The following RNF31 variants were observed in gnomAD, a reference collection of about 807,000 sequenced individuals.
The protein encoded by RNF31 is E3 ubiquitin-protein ligase RNF31.
Under a neutral mutation model 133.6 loss-of-function variants are expected in RNF31, and 38 were observed. The ratio of observed to expected loss-of-function variants is 0.28; its 90% CI spans 0.22 to 0.37. RNF31 has a LOEUF of 0.37. Ranked by LOEUF, RNF31 falls within the 10% of genes least tolerant of loss-of-function variation. RNF31 has a pLI of 1.00. For missense variants in RNF31, 1,118 were observed against 1,394.1 expected (o/e 0.80, Z 3.15); for synonymous variants, 582 against 552.3 (o/e 1.05, Z -0.75).
intron 11 of RNF31, among the ~76,000 whole-genome samples, chr14:24,154,470 G>A (rs1276314365): frequency 6.6e-6 from 1 of 152,106 alleles, no homozygotes; most frequent in East Asian, 1.9e-4. Flanking sequence ...TAGAGACAAG[G>A]TTTCACAATG....
At chr14:24,152,290 T>C (rs982399772) in intron 11 of RNF31, among the ~76,000 whole-genome samples, 1 of 152,234 alleles carries the variant, frequency 6.6e-6, no homozygotes, top group Non-Finnish European at 1.5e-5. Context: ...GCTTCAGCAA[T>C]TGTCAACAAA....
rs1010383176 is a variant in RNF31 at position 24,148,291 on chromosome 14, A to G, written c.373A>G (p.Thr125Ala). The G allele has an allele frequency of 4.3e-6, 7 of 1,614,202 alleles. No homozygotes were observed. Among genetic ancestry groups the G allele is most frequent in the Admixed American group, 3.3e-5 (2 of 60,028 alleles). ...GRDVLRLYGY[T>A]EEQPDGLSFP... The stretch of plus-strand genomic sequence containing the variant: ...AGATGTGCTGCGATTATATGGCTAC[A>G]CAGAGGAGCAACCAGATGGGTTGAG... Residue 125 changes from threonine (T) to alanine (A), a missense_variant, in exon 3 of 21, where the codon ACA (threonine) becomes GCA (alanine). Around this residue, in one of 3 missense-constraint regions of RNF31, gnomAD observed 747 missense variants for 827.9 expected, o/e 0.90. Coordinates refer to ENST00000324103, the MANE Select transcript of RNF31 (RefSeq NM_017999.5).
intron 11 of RNF31, 126 bp downstream of exon 11, chr14:24,152,118 C>T (rs1389887062): frequency 1.6e-5 from 15 of 910,744 alleles, no homozygotes; most frequent in Non-Finnish European, 2.1e-5. Flanking sequence ...CTGAAGGCTC[C>T]TGGGAGGGGG....
Position 24,149,800 on chromosome 14 carries a change from G to A in RNF31, c.809+217G>A, listed in dbSNP as rs147215552. On this transcript the variant is annotated intron_variant, in intron 6 of 20. Transcript: ENST00000324103. ...TAGGTGGTTTGCAACCTAGTCTGAA[G>A]GGTCAGCTGAATCAGGTGGCAATAT... Among the ~76,000 whole-genome samples the A allele has an allele frequency of 4.2e-3, 633 of 152,312 alleles. 9 individuals are homozygous for A. The highest frequency in any genetic ancestry group is 0.017 in the Middle Eastern group (5 of 294).
chr14:24,152,441 T>G (rs994223405), intron 11 of RNF31, among the ~76,000 whole-genome samples: 5 of 152,194 alleles, frequency 3.3e-5, no homozygotes, highest in Admixed American at 6.5e-5. Context: ...TTATTTTTTT[T>G]AGATGGAATT....
rs2139075475 is a variant in RNF31, at chr14:24,148,364, T to A, written c.446T>A (p.Val149Asp). 6.2e-7 allele frequency: 1 copy of A among 1,614,158 alleles called. No homozygotes were observed. Among genetic ancestry groups the A allele is most frequent in the Non-Finnish European group, 8.5e-7 (1 of 1,180,000 alleles). ...CCAGATGAGCACCAGGTTGCTACAGTCACACTGGAAGTACTGCTGCTTCGG... is the reference window on the plus strand; with the variant it reads ...CCAGATGAGCACCAGGTTGCTACAGACACACTGGAAGTACTGCTGCTTCGG... ...EEPDEHQVAT[V>D]TLEVLLLRTE... Residue 149 changes from valine to aspartate, a missense_variant, in exon 3 of 21, where the codon GTC (valine) becomes GAC (aspartate). Around this residue, in one of 3 missense-constraint regions of RNF31, gnomAD observed 747 missense variants for 827.9 expected, o/e 0.90. Coordinates refer to ENST00000324103, the MANE Select transcript of RNF31 (RefSeq NM_017999.5).
intron 11 of RNF31, chr14:24,154,889 G>A: frequency 2.0e-6 from 1 of 491,908 alleles, no homozygotes; most frequent in Non-Finnish European, 3.6e-6. Flanking sequence ...GTCATTTCAA[G>A]CATGTTATTT....
At chr14:24,156,736 G>A (rs941799911) in intron 14 of RNF31, among the ~76,000 whole-genome samples, 3 of 151,354 alleles carry the variant, frequency 2.0e-5, no homozygotes, top group Non-Finnish European at 4.4e-5. Context: ...CCAAGATCAC[G>A]CCATTGCACT....
Position 24,147,697 on chromosome 14 carries a change from G to C in RNF31, c.-2G>C. 1 of 1,502,984 alleles carries C rather than the reference G, an allele frequency of 6.7e-7. No individual in the cohort carries two copies. Among genetic ancestry groups the C allele is most frequent in the Non-Finnish European group, 8.8e-7 (1 of 1,131,498 alleles). 93.1% of individuals were successfully genotyped at this position (1,502,984 alleles called of 1,614,324 possible). On this transcript the variant is annotated 5_prime_UTR_variant, in exon 1 of 21. Transcript: ENST00000324103. The stretch of plus-strand genomic sequence containing the variant: ...GAGGCTGGGGCTGACTCCTGCCTCA[G>C]GATGCCGGGGGAGGAAGAGGAGCGG...
At position 24,160,051 on chromosome 14, in the gene RNF31, G is replaced by A; in HGVS notation, c.2996+91G>A. ...GCAGTAAAATGGGTCCTTGGGAGCAGTAGGTCTTGCAGTGGGTGGGAGGGA... is the reference window on the plus strand; with the variant it reads ...GCAGTAAAATGGGTCCTTGGGAGCAATAGGTCTTGCAGTGGGTGGGAGGGA... On this transcript the variant is annotated intron_variant, in intron 19 of 20. Coordinates refer to ENST00000324103, the MANE Select transcript of RNF31 (RefSeq NM_017999.5). The surrounding 1 kb of genome is among the most constrained non-coding windows in gnomAD (Gnocchi z 4.0). 1.4e-6 allele frequency: 2 copies of A among 1,395,670 alleles called. No individual in the cohort carries two copies. Among genetic ancestry groups the A allele is most frequent in the East Asian group, 2.3e-5 (1 of 43,544 alleles). The allele number at this position is 1,395,670 out of a possible 1,614,324, so 86.5% of individuals were successfully genotyped here. A position where few individuals can be genotyped will look rare whatever the true frequency, so the allele number is the denominator to read the frequency against.
chr14:24,159,848 C>A lies in RNF31; in HGVS notation c.2900-16C>A. Reference sequence around the variant, plus strand: ...TTGGCCTCCCAACAGAGGCTCCCTTCTTCCCTCACCTTTAGGCGGCTGCCG... The same window carrying A: ...TTGGCCTCCCAACAGAGGCTCCCTTATTCCCTCACCTTTAGGCGGCTGCCG... On this transcript the variant is annotated splice_polypyrimidine_tract_variant and intron_variant, in intron 18 of 20. Coordinates refer to ENST00000324103, the MANE Select transcript of RNF31 (RefSeq NM_017999.5). 1 of 1,608,246 alleles carries A rather than the reference C, an allele frequency of 6.2e-7. No homozygotes were observed. The highest frequency in any genetic ancestry group is 1.1e-5 in the South Asian group (1 of 90,908).
Position 24,160,134 on chromosome 14 carries a change from G to A in RNF31, c.2997-105G>A, listed in dbSNP as rs1261317153. The A allele has an allele frequency of 7.1e-7, 1 of 1,413,544 alleles. No individual in the cohort carries two copies. Among genetic ancestry groups the A allele is most frequent in the African/African-American group, 1.4e-5 (1 of 70,940 alleles). The allele number at this position is 1,413,544 out of a possible 1,614,324, so 87.6% of individuals were successfully genotyped here. ...GTAGCAGGCAGTGTGGGCACAGGTGGGTTGTTAATCTTGTTCGTCCAGGTG... is the reference window on the plus strand; with the variant it reads ...GTAGCAGGCAGTGTGGGCACAGGTGAGTTGTTAATCTTGTTCGTCCAGGTG... On this transcript the variant is annotated intron_variant, in intron 19 of 20. Transcript: ENST00000324103. This position sits in a 1 kb window ranked among gnomAD's most constrained non-coding sequence, Gnocchi z 4.0.
At chr14:24,149,338 C>T in intron 5 of RNF31, 68 bp from the exon 6 acceptor site, 1 of 1,473,396 alleles carries the variant, frequency 6.8e-7, no homozygotes, top group Non-Finnish European at 9.3e-7. Context: ...GATTTGCCCC[C>T]ATCCACAGCA....
In RNF31 at chr14:24,149,679, T is replaced by G. The variant is rs922933737; in HGVS notation, c.809+96T>G. ...GCCAGTTTCTGTGCTAAAGACTGTT[T>G]AATAGAGGACAAGTAGCCAGTCAGA... On this transcript the variant is annotated intron_variant, in intron 6 of 20. Coordinates refer to ENST00000324103, the MANE Select transcript of RNF31 (RefSeq NM_017999.5). The G allele has an allele frequency of 7.1e-6, 9 of 1,268,112 alleles. No individual in the cohort carries two copies. The Admixed American group carries it at 1.8e-4, about 25-fold the overall frequency. The allele number at this position is 1,268,112 out of a possible 1,614,324, so 78.6% of individuals were successfully genotyped here.
In RNF31 at chr14:24,147,674, G is replaced by C; in HGVS notation, c.-25G>C. The C allele has an allele frequency of 7.0e-7, 1 of 1,425,284 alleles. No homozygotes were observed. The highest frequency in any genetic ancestry group is 9.1e-7 in the Non-Finnish European group (1 of 1,098,136). 88.3% of individuals were successfully genotyped at this position (1,425,284 alleles called of 1,614,324 possible). A position where few individuals can be genotyped will look rare whatever the true frequency, so the allele number is the denominator to read the frequency against. ...CGCGCCGGGTCCTGGCGGGCGGCGA[G>C]GCTGGGGCTGACTCCTGCCTCAGGA... On this transcript the variant is annotated 5_prime_UTR_variant, in exon 1 of 21. Coordinates refer to ENST00000324103, the MANE Select transcript of RNF31 (RefSeq NM_017999.5).
In RNF31 at chr14:24,151,093, G is replaced by A. The variant is rs771787008; in HGVS notation, c.1489-38G>A. The A allele has an allele frequency of 1.2e-6, 2 of 1,608,068 alleles. No homozygotes were observed. Among genetic ancestry groups the A allele is most frequent in the Non-Finnish European group, 8.5e-7 (1 of 1,176,110 alleles). On this transcript the variant is annotated intron_variant, in intron 8 of 20. Coordinates refer to ENST00000324103, the MANE Select transcript of RNF31 (RefSeq NM_017999.5). This position sits in a 1 kb window ranked among gnomAD's most constrained non-coding sequence, Gnocchi z 5.3. ...ATCTTAGTTCAGGCTGAGGGTGGGT[G>A]AAGGGTGCCCCTCCTGATGGGCGGG...
In RNF31 at chr14:24,150,886, C is replaced by G; in HGVS notation, c.1486C>G (p.Arg496Gly). The G allele has an allele frequency of 6.5e-7, 1 of 1,550,258 alleles. No individual in the cohort carries two copies. Among genetic ancestry groups the G allele is most frequent in the South Asian group, 1.2e-5 (1 of 80,996 alleles). Residue 496 changes from arginine (R) to glycine (G), a missense_variant and splice_region_variant, in exon 8 of 21, where the codon CGG becomes GGG. Physicochemically the swap from Arg to Gly is moderately radical, Grantham distance 125. Transcript: ENST00000324103. ...AGGCCTCCAGCTAGTGAGCATGATC[C>G]GGGTAAGGACTGGGCCTGCGATGAG... ...EEGLQLVSMIREGEAAGACPE... is the reference protein window; with the variant it reads ...EEGLQLVSMIGEGEAAGACPE...
rs1035806524 is a variant in RNF31, at chr14:24,155,856, A to G, written c.2493+164A>G. ...ACTAGGCACAAGGAGAAAGGGAAGC[A>G]GAGGGAGGGAGGAAATCGGGAGGGA... On this transcript the variant is annotated intron_variant, in intron 14 of 20. Transcript: ENST00000324103. This position sits in a 1 kb window ranked among gnomAD's most constrained non-coding sequence, Gnocchi z 4.9. Among the ~76,000 whole-genome samples the G allele has an allele frequency of 1.3e-5, 2 of 152,190 alleles. No individual in the cohort carries two copies. Among genetic ancestry groups the G allele is most frequent in the African/African-American group, 4.8e-5 (2 of 41,436 alleles).
At chr14:24,153,903 CAAAAT>C (rs1425245145) in intron 11 of RNF31, among the ~76,000 whole-genome samples, 1 of 151,832 alleles carries the variant, frequency 6.6e-6, no homozygotes, top group Non-Finnish European at 1.5e-5. Flanking sequence ...GACTCTGTCT[CAAAAT>C]AAATTAAATA....
Sources: allele counts gnomAD v4.1 joint callset (sites outside exome capture counted in the v4.1 genomes callset), GRCh38; gene constraint gnomAD v4.1.1; regional missense constraint gnomAD v4.1.1; non-coding constraint Gnocchi (gnomAD v3.1); transcripts MANE v1.5; gene names NCBI Gene and HGNC (gene_info 2026-07-23, HGNC 2026-07-21).